Variants in PHB1 observed in about 807,000 individuals in gnomAD.
PHB1 encodes the protein prohibitin 1.
chr17:49,404,758 G>A, the PHB1 span: 1 of 555,992 alleles, frequency 1.8e-6, no homozygotes, highest in East Asian at 3.1e-5. Flanking sequence ...ATAGGCACTT[G>A]GCAATTTTTG....
chr17:49,408,342 C>CT, the PHB1 span, among the ~76,000 whole-genome samples: 2 of 152,228 alleles, frequency 1.3e-5, no homozygotes, highest in Non-Finnish European at 2.9e-5. Context: ...AACACTTTAC[C>CT]TCACTGCCCG....
chr17:49,413,373 T>C, the PHB1 span: 1 of 737,732 alleles, frequency 1.4e-6, no homozygotes, highest in Non-Finnish European at 2.3e-6. Context: ...ACAGTCACTT[T>C]TCAACCTGGC....
At chr17:49,409,399 T>A in the PHB1 span, 3 of 1,614,084 alleles carry the variant, frequency 1.9e-6, no homozygotes, top group Non-Finnish European at 2.5e-6. Context: ...TCTCCGATGC[T>A]GGTGAAGATG....
chr17:49,409,382 A>G, the PHB1 span: 9 of 1,614,062 alleles, frequency 5.6e-6, no homozygotes, highest in East Asian at 2.0e-4. Context: ...CACGCTCATC[A>G]TAGTCCTCTC....
At chr17:49,406,748 C>G in the PHB1 span, 1 of 1,604,410 alleles carries the variant, frequency 6.2e-7, no homozygotes, top group Non-Finnish European at 8.5e-7. Context: ...GCCATCTGGT[C>G]GAAGGCTCAC....
the PHB1 span, chr17:49,413,042 T>C: frequency 9.2e-5 from 60 of 649,844 alleles, 1 homozygote; most frequent in East Asian, 1.6e-3. Flanking sequence ...TGGTATGAAA[T>C]GGCAGGAGGT....
At chr17:49,414,000 AT>A in the PHB1 span, among the ~76,000 whole-genome samples, 1 of 152,162 alleles carries the variant, frequency 6.6e-6, no homozygotes, top group Admixed American at 6.5e-5. Context: ...TTTGAAAAAA[AT>A]AACTTAAAAA....
chr17:49,409,327 T>C, the PHB1 span: 3 of 1,613,950 alleles, frequency 1.9e-6, no homozygotes, highest in African/African-American at 4.0e-5. Context: ...CCCTGTTCAC[T>C]CACCACCACT....
At chr17:49,404,705 G>T in the PHB1 span, 1 of 452,152 alleles carries the variant, frequency 2.2e-6, no homozygotes, top group African/African-American at 2.0e-5. Flanking sequence ...TGCCCAGGCC[G>T]GAACTCCAGC....
chr17:49,411,582 T>G, the PHB1 span: 7 of 1,101,632 alleles, frequency 6.4e-6, no homozygotes, highest in East Asian at 1.7e-4. Context: ...TCAAACTCTT[T>G]TGGATCCTGG....
chr17:49,413,716 C>T, the PHB1 span, among the ~76,000 whole-genome samples: 1 of 152,016 alleles, frequency 6.6e-6, no homozygotes, highest in Non-Finnish European at 1.5e-5. Flanking sequence ...TGCTACGTTG[C>T]CCCAGGTGGT....
chr17:49,411,915 C>T, the PHB1 span: 4 of 1,372,504 alleles, frequency 2.9e-6, no homozygotes, highest in African/African-American at 1.4e-5. Flanking sequence ...TTTGAAAGAG[C>T]CCTGGTGCTT....
chr17:49,408,447 GCTTT>G, the PHB1 span, among the ~76,000 whole-genome samples: 1 of 152,270 alleles, frequency 6.6e-6, no homozygotes, highest in East Asian at 1.9e-4. Flanking sequence ...TGCCTGCATT[GCTTT>G]CTGAGTTATG....
chr17:49,408,030 A>C, the PHB1 span, among the ~76,000 whole-genome samples: 1 of 152,234 alleles, frequency 6.6e-6, no homozygotes, highest in Non-Finnish European at 1.5e-5. Flanking sequence ...CCCAGAATGG[A>C]GTATGTGGTT....
the PHB1 span, chr17:49,411,656 C>T: frequency 6.2e-7 from 1 of 1,609,768 alleles, no homozygotes. Flanking sequence ...CCTACTTTAC[C>T]TGAACCATAG....
At chr17:49,409,203 G>A in the PHB1 span, 3 of 1,580,618 alleles carry the variant, frequency 1.9e-6, no homozygotes, top group East Asian at 4.5e-5. Context: ...GGTTAATGAG[G>A]AAGCAGAAAA....
chr17:49,409,607 TCTCGGCTCACTACAAC>T, the PHB1 span: 1 of 686,286 alleles, frequency 1.5e-6, no homozygotes. Flanking sequence ...AATGGGACAA[TCTCGGCTCACTACAAC>T]CTCTGCCTCC....
the PHB1 span, chr17:49,413,052 T>G: frequency 2.6e-5 from 18 of 682,530 alleles, no homozygotes. Flanking sequence ...TGGCAGGAGG[T>G]GAGCCCTCTT....
At chr17:49,413,051 G>A in the PHB1 span, 1 of 684,284 alleles carries the variant, frequency 1.5e-6, no homozygotes, top group South Asian at 1.7e-5. Context: ...ATGGCAGGAG[G>A]TGAGCCCTCT....
Sources: gnomAD v4.1 joint callset for allele counts (sites outside exome capture counted in the v4.1 genomes callset) on GRCh38, gnomAD v4.1.1 for gene constraint, MANE v1.5 for transcripts, NCBI Gene and HGNC (gene_info 2026-07-23, HGNC 2026-07-21) for gene names.